Variants in KIAA1217 observed in about 807,000 individuals in gnomAD.
KIAA1217 encodes the protein KIAA1217, also known as sickle tail protein homolog.
In KIAA1217, 88 loss-of-function variants were observed where a neutral mutation model predicts 163.9. The ratio of observed to expected loss-of-function variants is 0.54; its 90% confidence interval spans 0.45 to 0.64. The LOEUF (loss-of-function observed/expected upper bound fraction) is 0.64, where lower values mean the gene tolerates loss of function less well. KIAA1217 is among the 30% of genes least tolerant of loss of function. The pLI is 0.00. For missense variants in KIAA1217, 2,372 were observed against 2,475.0 expected (o/e 0.96, Z 0.88); for synonymous variants, 903 against 923.1 (o/e 0.98, Z 0.39).
At chr10:23,886,655 G>A (rs1379713363) in intron 1 of KIAA1217, among the ~76,000 whole-genome samples, 2 of 151,930 alleles carry the variant, frequency 1.3e-5, no homozygotes, top group Non-Finnish European at 2.9e-5. Context: ...CAAACTTCAG[G>A]TTGAGGTTGA....
At chr10:24,164,741 C>A (rs188917881) in intron 2 of KIAA1217, among the ~76,000 whole-genome samples, 1 of 152,140 alleles carries the variant, frequency 6.6e-6, no homozygotes, top group Non-Finnish European at 1.5e-5. Context: ...TTAAGATAAC[C>A]CCCAACAATT....
intron 1 of KIAA1217, among the ~76,000 whole-genome samples, chr10:23,917,654 T>G (rs1258514753): frequency 2.0e-5 from 3 of 152,174 alleles, no homozygotes; most frequent in Non-Finnish European, 4.4e-5. Flanking sequence ...GAAAGGTCAA[T>G]GCAAAAGAGT....
intron 2 of KIAA1217, among the ~76,000 whole-genome samples, chr10:24,094,818 C>T (rs1365572172): frequency 6.6e-6 from 1 of 152,210 alleles, no homozygotes; most frequent in Non-Finnish European, 1.5e-5. Context: ...TTTTGTTTGT[C>T]TGTGCCCTGC....
chr10:24,000,148 T>C (rs1846673390), intron 1 of KIAA1217, among the ~76,000 whole-genome samples: 1 of 152,212 alleles, frequency 6.6e-6, no homozygotes, highest in African/African-American at 2.4e-5. Context: ...TAGCATTGTA[T>C]ACTTTTAAAA....
intron 1 of KIAA1217, among the ~76,000 whole-genome samples, chr10:23,724,951 C>A (rs1470282400): frequency 6.6e-6 from 1 of 152,116 alleles, no homozygotes; most frequent in Non-Finnish European, 1.5e-5. Flanking sequence ...TAAGCCCTCC[C>A]AGTCCAAGCC....
At chr10:24,409,997 C>CTTTTTTTTTTTTTTTTTTT (rs71397947) in intron 3 of KIAA1217, among the ~76,000 whole-genome samples, 4 of 123,872 alleles carry the variant, frequency 3.2e-5, no homozygotes, top group Admixed American at 8.7e-5. Context: ...TTTCTTTTTT[C>CTTTTTTTTTTTTTTTTTTT]TTTTTTTTTT....
intron 8 of KIAA1217, among the ~76,000 whole-genome samples, chr10:24,499,313 C>A (rs1171185868): frequency 6.6e-6 from 1 of 152,182 alleles, no homozygotes; most frequent in Non-Finnish European, 1.5e-5. Context: ...TGGAGAATAT[C>A]CTTTTGAACA....
In KIAA1217 at chr10:24,005,438, C is replaced by T. The variant is rs75027775; in HGVS notation, c.-320-1787C>T. Among the ~76,000 whole-genome samples the T allele has an allele frequency of 2.5e-3, 383 of 152,228 alleles. 1 individual carries two copies. The highest frequency in any genetic ancestry group is 9.1e-3 in the African/African-American group (376 of 41,534). The stretch of plus-strand genomic sequence containing the variant: ...CTAATAATAATTTGAAGCAATCAAA[C>T]AGCTATGTTTATGTCATTGGGCAAA... On this transcript the variant is annotated intron_variant, in intron 1 of 18. Coordinates refer to the KIAA1217 transcript ENST00000376462.
intron 2 of KIAA1217, among the ~76,000 whole-genome samples, chr10:24,338,384 C>T (rs951162979): frequency 3.3e-5 from 5 of 152,176 alleles, no homozygotes; most frequent in Non-Finnish European, 5.9e-5. Context: ...CCTAGACCCC[C>T]AGTCCTGAAG....
At chr10:24,001,278 T>A (rs1297735978) in intron 1 of KIAA1217, among the ~76,000 whole-genome samples, 2 of 152,234 alleles carry the variant, frequency 1.3e-5, no homozygotes, top group Non-Finnish European at 2.9e-5. Context: ...TGCAAATGTC[T>A]GTCACAGAGC....
chr10:23,915,297 G>A lies in KIAA1217; in HGVS notation c.-320-91928G>A, dbSNP rs192409061. 2.6e-5 allele frequency among the ~76,000 whole-genome samples: 4 copies of A among 152,292 alleles called. No individual in the cohort carries two copies. In the East Asian group the frequency reaches 7.7e-4, roughly 29 times the overall value. On this transcript the variant is annotated intron_variant, in intron 1 of 18. Coordinates refer to the KIAA1217 transcript ENST00000376462. The stretch of plus-strand genomic sequence containing the variant: ...CAACCTTGGCAAAGGCAGTTGCAGC[G>A]GTTGTCATGAGCTGAGATGTAGATG...
chr10:24,232,659 C>T (rs553036755), intron 2 of KIAA1217, among the ~76,000 whole-genome samples: 24 of 152,232 alleles, frequency 1.6e-4, no homozygotes, highest in African/African-American at 5.8e-4. Flanking sequence ...TGCATAGATG[C>T]AGAACTCATA....
chr10:24,111,424 T>C (rs1013120355), intron 2 of KIAA1217, among the ~76,000 whole-genome samples: 1 of 134,378 alleles, frequency 7.4e-6, no homozygotes, highest in African/African-American at 3.8e-5. Context: ...ATCTCCGTCC[T>C]TAAGGCTATA....
intron 1 of KIAA1217, among the ~76,000 whole-genome samples, chr10:23,805,342 G>A (rs1836683186): frequency 6.6e-6 from 1 of 152,144 alleles, no homozygotes; most frequent in African/African-American, 2.4e-5. Context: ...CTACTGTGTA[G>A]CCATAAAAAA....
chr10:24,506,143 T>C (rs2068321089), intron 9 of KIAA1217, among the ~76,000 whole-genome samples: 1 of 152,206 alleles, frequency 6.6e-6, no homozygotes, highest in South Asian at 2.1e-4. Flanking sequence ...ACATGGGTTA[T>C]ATAGCTGTGA....
chr10:23,829,258 A>G (rs1452583876), intron 1 of KIAA1217, among the ~76,000 whole-genome samples: 1 of 152,202 alleles, frequency 6.6e-6, no homozygotes, highest in Non-Finnish European at 1.5e-5. Flanking sequence ...AACAATTATT[A>G]TATCTATTCA....
rs113654585 is a variant in KIAA1217 at position 23,938,268 on chromosome 10, ATTGAGCCAGGC to A, written c.-320-68956_-320-68946del. Among the ~76,000 whole-genome samples, 717 of 152,296 alleles carry A rather than the reference ATTGAGCCAGGC, an allele frequency of 4.7e-3. 2 individuals are homozygous for A. Among genetic ancestry groups the A allele is most frequent in the African/African-American group, 0.017 (693 of 41,580 alleles). ...AATCAGATAGAGTGCTTCGATGGGT[ATTGAGCCAGGC>A]AAAGTCAGGAAAAACAATCAGCTCT... On this transcript the variant is annotated intron_variant, in intron 1 of 18. Transcript: ENST00000376462.
intron 2 of KIAA1217, among the ~76,000 whole-genome samples, chr10:24,061,133 C>T (rs926966171): frequency 3.3e-5 from 5 of 151,924 alleles, no homozygotes; most frequent in African/African-American, 1.2e-4. Context: ...TGTTTTGATT[C>T]CATTCTATTT....
intron 2 of KIAA1217, among the ~76,000 whole-genome samples, chr10:24,166,783 C>T (rs993498539): frequency 6.6e-6 from 1 of 152,000 alleles, no homozygotes; most frequent in African/African-American, 2.4e-5. Flanking sequence ...ATGTTCCTAG[C>T]ATATAGAAAG....
Sources: gnomAD v4.1 joint callset for allele counts (sites outside exome capture counted in the v4.1 genomes callset) on GRCh38, gnomAD v4.1.1 for gene constraint, MANE v1.5 for transcripts, NCBI Gene and HGNC (gene_info 2026-07-23, HGNC 2026-07-21) for gene names.